The following PTPRD variants were observed in gnomAD, a reference collection of about 807,000 sequenced individuals.
The protein encoded by PTPRD is protein tyrosine phosphatase receptor type D.
PTPRD carries 34 observed loss-of-function variants against 214.5 expected under a neutral mutation model. The ratio of observed to expected loss-of-function variants is 0.16; its 90% CI spans 0.12 to 0.21. The LOEUF is 0.21. Among genes scored for constraint, PTPRD ranks in the 10% least tolerant of loss-of-function variants. PTPRD has a pLI of 1.00. For missense variants in PTPRD, 2,545 were observed against 2,398.7 expected (o/e 1.06, Z -1.27); for synonymous variants, 1,128 against 845.7 (o/e 1.33, Z -5.79).
intron 9 of PTPRD, among the ~76,000 whole-genome samples, chr9:9,320,487 G>A (rs1258359822): frequency 6.6e-6 from 1 of 152,112 alleles, no homozygotes; most frequent in Non-Finnish European, 1.5e-5. Flanking sequence ...ACTAAATATT[G>A]TTATAAATGA....
intron 2 of PTPRD, among the ~76,000 whole-genome samples, chr9:10,395,093 T>A (rs75829458): frequency 1.3e-5 from 2 of 151,464 alleles, no homozygotes; most frequent in African/African-American, 4.8e-5. Context: ...TTCTGCAGGC[T>A]TTCTTTTTAT....
intron 7 of PTPRD, among the ~76,000 whole-genome samples, chr9:9,670,921 G>C (rs2096820555): frequency 6.6e-6 from 1 of 152,178 alleles, no homozygotes; most frequent in Admixed American, 6.5e-5. Flanking sequence ...TGTGGGGTTG[G>C]AGATCCCCAC....
At chr9:10,404,509 C>G (rs1325978992) in intron 2 of PTPRD, among the ~76,000 whole-genome samples, 1 of 151,660 alleles carries the variant, frequency 6.6e-6, no homozygotes, top group African/African-American at 2.4e-5. Context: ...TTTAGATAAT[C>G]ATAGTACACA....
intron 4 of PTPRD, among the ~76,000 whole-genome samples, chr9:9,987,100 T>C (rs1270512794): frequency 6.6e-6 from 1 of 152,104 alleles, no homozygotes; most frequent in Non-Finnish European, 1.5e-5. Context: ...ATAGCAATAA[T>C]CAAGCAGAGA....
chr9:8,494,291 GA>G (rs1194068451), intron 26 of PTPRD, among the ~76,000 whole-genome samples: 2 of 152,108 alleles, frequency 1.3e-5, no homozygotes, highest in East Asian at 3.9e-4. Flanking sequence ...AAAAGAGTAG[GA>G]ATATCTCACT....
At chr9:10,058,784 C>G (rs570086331) in intron 3 of PTPRD, among the ~76,000 whole-genome samples, 2 of 152,022 alleles carry the variant, frequency 1.3e-5, no homozygotes, top group Non-Finnish European at 1.5e-5. Context: ...ATTTCCCAGG[C>G]GCTGGATAGG....
At chr9:9,334,624 C>T (rs1037594549) in intron 9 of PTPRD, among the ~76,000 whole-genome samples, 1 of 151,974 alleles carries the variant, frequency 6.6e-6, no homozygotes, top group Non-Finnish European at 1.5e-5. Flanking sequence ...CCTGTGTTAA[C>T]TCCATCTATA....
At chr9:10,086,483 T>A (rs1011272375) in intron 3 of PTPRD, among the ~76,000 whole-genome samples, 16 of 151,804 alleles carry the variant, frequency 1.1e-4, no homozygotes, top group African/African-American at 3.6e-4. Context: ...GGAAAGCGAA[T>A]CTATTTCACA....
intron 8 of PTPRD, among the ~76,000 whole-genome samples, chr9:9,474,037 A>T (rs1182321967): frequency 6.6e-6 from 1 of 152,008 alleles, no homozygotes; most frequent in Non-Finnish European, 1.5e-5. Context: ...AATCTATTAG[A>T]TGAACGTCCT....
At chr9:9,006,537 C>T (rs1303870150) in intron 11 of PTPRD, among the ~76,000 whole-genome samples, 1 of 152,002 alleles carries the variant, frequency 6.6e-6, no homozygotes, top group Non-Finnish European at 1.5e-5. Context: ...GGAGATTGAA[C>T]TCTAAATTTG....
intron 14 of PTPRD, among the ~76,000 whole-genome samples, chr9:8,581,111 G>T (rs1257081797): frequency 6.6e-6 from 1 of 152,052 alleles, no homozygotes; most frequent in Non-Finnish European, 1.5e-5. Flanking sequence ...AAACTCCAGG[G>T]TGAGTTCTAC....
chr9:10,111,320 G>A (rs1245952062), intron 3 of PTPRD, among the ~76,000 whole-genome samples: 1 of 124,638 alleles, frequency 8.0e-6, no homozygotes, highest in South Asian at 2.8e-4. Flanking sequence ...CTCACTGCAA[G>A]CTCCGCCTCC....
intron 35 of PTPRD, among the ~76,000 whole-genome samples, chr9:8,421,210 C>T (rs781393899): frequency 7.9e-5 from 12 of 152,110 alleles, no homozygotes; most frequent in Non-Finnish European, 1.8e-4. Flanking sequence ...AAACTAGACT[C>T]CTCCTTCTTT....
intron 37 of PTPRD, among the ~76,000 whole-genome samples, chr9:8,379,505 G>C (rs1049282636): frequency 4.6e-5 from 7 of 152,124 alleles, no homozygotes; most frequent in African/African-American, 1.7e-4. Context: ...TAGGGAGCAA[G>C]TATGAAATGT....
intron 10 of PTPRD, among the ~76,000 whole-genome samples, chr9:9,042,994 G>A (rs765926323): frequency 6.6e-6 from 1 of 152,118 alleles, no homozygotes; most frequent in Non-Finnish European, 1.5e-5. Flanking sequence ...GAAGCTGAAG[G>A]CAATCTTATC....
intron 8 of PTPRD, among the ~76,000 whole-genome samples, chr9:9,495,608 C>G (rs2096142883): frequency 6.6e-6 from 1 of 152,066 alleles, no homozygotes; most frequent in Non-Finnish European, 1.5e-5. Context: ...GACGACCTGA[C>G]TTAGGGGAAG....
chr9:9,206,416 A>G (rs1033299260), intron 9 of PTPRD, among the ~76,000 whole-genome samples: 6 of 152,188 alleles, frequency 3.9e-5, no homozygotes, highest in African/African-American at 1.4e-4. Flanking sequence ...GGGAGGCAAG[A>G]GAAATCAGTT....
chr9:8,809,897 G>C lies in PTPRD; in HGVS notation c.-103-75951C>G, dbSNP rs1458680673. Among the ~76,000 whole-genome samples, 5 of 152,256 alleles carry C rather than the reference G, an allele frequency of 3.3e-5. No individual in the cohort carries two copies. The East Asian group carries it at 9.7e-4, about 29-fold the overall frequency. Reference sequence around the variant, plus strand: ...GTCATTGTCTGGTTCAAACCTAAAAGGGAGCTTCCATCAACAGATGTCATA... The same window carrying C: ...GTCATTGTCTGGTTCAAACCTAAAACGGAGCTTCCATCAACAGATGTCATA... On this transcript the variant is annotated intron_variant, in intron 11 of 45. Coordinates refer to ENST00000381196, the MANE Select transcript of PTPRD (RefSeq NM_002839.4).
chr9:9,566,032 C>A (rs2084410521), intron 8 of PTPRD, among the ~76,000 whole-genome samples: 1 of 152,088 alleles, frequency 6.6e-6, no homozygotes, highest in South Asian at 2.1e-4. Flanking sequence ...GCTGCCTCCT[C>A]ATTTGTGACA....
Sources: allele counts gnomAD v4.1 joint callset (sites outside exome capture counted in the v4.1 genomes callset), GRCh38; gene constraint gnomAD v4.1.1; transcripts MANE v1.5; gene names NCBI Gene and HGNC (gene_info 2026-07-23, HGNC 2026-07-21).